The following CLEC6A variants were observed in gnomAD, a reference collection of about 807,000 sequenced individuals.
The protein encoded by CLEC6A is C-type lectin domain family 6 member A.
A neutral mutation model predicts 25.7 loss-of-function variants in CLEC6A; 22 were observed. That is an observed-to-expected ratio of 0.85 (90% CI 0.61 to 1.22). CLEC6A has a LOEUF of 1.22. CLEC6A is among the 50% of genes most tolerant of loss of function. The pLI is 0.00. For missense variants in CLEC6A, 240 were observed against 236.8 expected (o/e 1.01, Z -0.09); for synonymous variants, 92 against 76.7 (o/e 1.20, Z -1.04).
intron 2 of CLEC6A, 62 bp from the exon 3 acceptor site, chr12:8,459,535 T>C (rs1195863964): frequency 6.6e-6 from 7 of 1,057,848 alleles, no homozygotes; most frequent in Admixed American, 1.7e-5. Context: ...TGTACAGATA[T>C]AGAGCCTAAG....
chr12:8,464,411 G>A (rs950659519), intron 3 of CLEC6A, among the ~76,000 whole-genome samples: 8 of 151,416 alleles, frequency 5.3e-5, no homozygotes, highest in Non-Finnish European at 7.4e-5. Flanking sequence ...CTCACTGTAA[G>A]CTCCGCCTCC....
intron 4 of CLEC6A, among the ~76,000 whole-genome samples, chr12:8,474,931 C>T (rs1032652204): frequency 5.9e-5 from 9 of 151,932 alleles, no homozygotes; most frequent in Non-Finnish European, 8.8e-5. Flanking sequence ...ATGTGCACAA[C>T]GTGCAGGTTT....
intron 3 of CLEC6A, among the ~76,000 whole-genome samples, chr12:8,463,856 AC>A (rs139259085): frequency 0.012 from 1,787 of 152,316 alleles, 34 homozygotes; most frequent in African/African-American, 0.041. Context: ...ACGTTAGCAT[AC>A]CCTTTTGACA....
chr12:8,466,034 T>A (rs1276919082), intron 4 of CLEC6A, among the ~76,000 whole-genome samples: 1 of 152,246 alleles, frequency 6.6e-6, no homozygotes, highest in East Asian at 1.9e-4. Context: ...ATTGTATGTG[T>A]ATCTAACACT....
intron 3 of CLEC6A, 125 bp downstream of exon 3, chr12:8,459,823 T>TA (rs1939729877): frequency 3.0e-6 from 2 of 665,238 alleles, no homozygotes; most frequent in Non-Finnish European, 5.3e-6. Context: ...TCTGCTTGGA[T>TA]ATTTTCATAA....
chr12:8,460,712 A>G, intron 3 of CLEC6A: 3 of 1,481,048 alleles, frequency 2.0e-6, no homozygotes, highest in South Asian at 2.3e-5. Context: ...CAGTACCGCC[A>G]GCTCTCTGCT....
Position 8,477,534 on chromosome 12 carries a change from A to G in CLEC6A, c.*70A>G. On this transcript the variant is annotated 3_prime_UTR_variant, in exon 6 of 6. Coordinates refer to ENST00000382073, the MANE Select transcript of CLEC6A (RefSeq NM_001007033.2). ...TTTTCCCTGACGTCTTTAAAATTGA[A>G]CCCTATCATGAAATGATAATTTCTT... 1 of 1,198,716 alleles carries G rather than the reference A, an allele frequency of 8.3e-7. No homozygotes were observed. Among genetic ancestry groups the G allele is most frequent in the Non-Finnish European group, 1.2e-6 (1 of 854,212 alleles). 74.3% of individuals were successfully genotyped at this position (1,198,716 alleles called of 1,614,324 possible).
intron 3 of CLEC6A, among the ~76,000 whole-genome samples, chr12:8,464,354 G>T (rs1166700144): frequency 5.4e-5 from 8 of 149,014 alleles, no homozygotes; most frequent in Admixed American, 4.7e-4. Flanking sequence ...TTTTGAGACG[G>T]AGTCTCTCTC....
At position 8,456,899 on chromosome 12, in the gene CLEC6A, C is replaced by T. The variant is rs1565480869; in HGVS notation, c.31+757C>T. On this transcript the variant is annotated intron_variant, in intron 1 of 5. Coordinates refer to ENST00000382073, the MANE Select transcript of CLEC6A (RefSeq NM_001007033.2). ...CTGAGGTGGGTGGATCACTTGAGGT[C>T]AGGAGTTAGAGACCAGCCTGGCCAA... 2.6e-5 allele frequency among the ~76,000 whole-genome samples: 4 copies of T among 152,230 alleles called. No individual in the cohort carries two copies. In the South Asian group the frequency reaches 6.2e-4, roughly 24 times the overall value.
Position 8,460,761 on chromosome 12 carries a change from G to A in CLEC6A, c.223+1063G>A, listed in dbSNP as rs116200034. On this transcript the variant is annotated intron_variant, in intron 3 of 5. Transcript: ENST00000382073. ...CCCACCCCACCTGGCCTGATAAAGC[G>A]GGCCGACTGGGCTACAAGGCCAAAC... is the stretch of plus-strand genomic sequence containing the variant. The A allele has an allele frequency of 1.8e-3, 2,593 of 1,418,716 alleles. 41 individuals are homozygous for A. The African/African-American group carries it at 0.033, about 18-fold the overall frequency. 87.9% of individuals were successfully genotyped at this position (1,418,716 alleles called of 1,614,324 possible).
rs189311802 is a variant in CLEC6A, at chr12:8,459,523, A to G, written c.122-74A>G. On this transcript the variant is annotated intron_variant, in intron 2 of 5. Coordinates refer to ENST00000382073, the MANE Select transcript of CLEC6A (RefSeq NM_001007033.2). ...CAGTGGGGGTCAGAGGTAAGCCAGCACTGTACAGATATAGAGCCTAAGGCT... is the reference window on the plus strand; with the variant it reads ...CAGTGGGGGTCAGAGGTAAGCCAGCGCTGTACAGATATAGAGCCTAAGGCT... 5 of 923,730 alleles carry G rather than the reference A, an allele frequency of 5.4e-6. No homozygotes were observed. The African/African-American group carries it at 8.1e-5, about 15-fold the overall frequency. The allele number at this position is 923,730 out of a possible 1,614,324, so 57.2% of individuals were successfully genotyped here. A position where few individuals can be genotyped will look rare whatever the true frequency, so the allele number is the denominator to read the frequency against.
chr12:8,474,075 A>G (rs1359001734), intron 4 of CLEC6A, among the ~76,000 whole-genome samples: 1 of 152,074 alleles, frequency 6.6e-6, no homozygotes, highest in Admixed American at 6.6e-5. Flanking sequence ...TTTTAGTTTA[A>G]TTAGGTCCCA....
intron 4 of CLEC6A, among the ~76,000 whole-genome samples, chr12:8,471,219 G>A (rs4329732): frequency 0.78 from 118,211 of 151,908 alleles, 46,382 homozygotes; most frequent in East Asian, 0.99. Context: ...TTTTATATCA[G>A]TATTCATCAG....
Position 8,477,413 on chromosome 12 carries a change from C to A in CLEC6A, c.579C>A (p.Ile193=). 6.2e-7 allele frequency: 1 copy of A among 1,611,300 alleles called. No individual in the cohort carries two copies. The highest frequency in any genetic ancestry group is 1.7e-4 in the Middle Eastern group (1 of 6,058). ...CAGGATGGGGCTGGAATGATGTTATCTGTGAAACTAGAAGGAATTCAATAT... is the reference window on the plus strand; with the variant it reads ...CAGGATGGGGCTGGAATGATGTTATATGTGAAACTAGAAGGAATTCAATAT... ...KPTGWGWNDV[I]CETRRNSICE... The change falls in exon 6 of 6, where the codon ATC becomes ATA. Residue 193 remains isoleucine (I), a synonymous_variant. Coordinates refer to ENST00000382073, the MANE Select transcript of CLEC6A (RefSeq NM_001007033.2).
At chr12:8,456,357 A>G (rs1939674914) in intron 1 of CLEC6A, among the ~76,000 whole-genome samples, 1 of 152,226 alleles carries the variant, frequency 6.6e-6, no homozygotes, top group South Asian at 2.1e-4. Context: ...GGTTTGTACC[A>G]GATTTTATTG....
At chr12:8,460,548 C>A in intron 3 of CLEC6A, 1 of 779,484 alleles carries the variant, frequency 1.3e-6, no homozygotes, top group Non-Finnish European at 2.1e-6. Flanking sequence ...GAGAACCAAA[C>A]CATATCAGTC....
At chr12:8,463,817 G>A (rs1436461137) in intron 3 of CLEC6A, among the ~76,000 whole-genome samples, 1 of 152,164 alleles carries the variant, frequency 6.6e-6, no homozygotes, top group Non-Finnish European at 1.5e-5. Context: ...ATTATTCTCA[G>A]CATAAATTGA....
intron 4 of CLEC6A, among the ~76,000 whole-genome samples, chr12:8,472,422 G>C (rs924230199): frequency 6.6e-6 from 1 of 152,090 alleles, no homozygotes; most frequent in African/African-American, 2.4e-5. Context: ...GCAGTCCCCT[G>C]GAAAGCCAGA....
At chr12:8,474,279 T>C (rs916888607) in intron 4 of CLEC6A, among the ~76,000 whole-genome samples, 1 of 152,198 alleles carries the variant, frequency 6.6e-6, no homozygotes, top group African/African-American at 2.4e-5. Flanking sequence ...AGATTTATTC[T>C]TCGGCATATG....
Sources: allele counts gnomAD v4.1 joint callset (sites outside exome capture counted in the v4.1 genomes callset), GRCh38; gene constraint gnomAD v4.1.1; transcripts MANE v1.5; gene names NCBI Gene and HGNC (gene_info 2026-07-23, HGNC 2026-07-21).